The following MORC1 variants were observed in gnomAD, a reference collection of about 807,000 sequenced individuals.
MORC1 encodes MORC family CW-type zinc finger protein 1.
In MORC1, 59 loss-of-function variants were observed where a neutral mutation model predicts 134.9. The observed-to-expected ratio is 0.44, with a 90% confidence interval of 0.35 to 0.54. The LOEUF is 0.54. MORC1 is among the 20% of genes least tolerant of loss of function. The probability of loss-of-function intolerance (pLI) is 0.00; values close to 1 mark genes in which losing one functional copy is unlikely to be tolerated. For missense variants in MORC1, 947 were observed against 1,134.5 expected (o/e 0.83, Z 2.37); for synonymous variants, 395 against 391.7 (o/e 1.01, Z -0.10).
intron 4 of MORC1, among the ~76,000 whole-genome samples, chr3:109,103,307 T>G (rs969049266): frequency 6.6e-6 from 1 of 152,232 alleles, no homozygotes; most frequent in African/African-American, 2.4e-5. Flanking sequence ...TGTGCTAACC[T>G]TGAATACACA....
chr3:108,964,688 G>A (rs1267833230), intron 26 of MORC1, among the ~76,000 whole-genome samples: 2 of 152,182 alleles, frequency 1.3e-5, no homozygotes, highest in Admixed American at 6.5e-5. Flanking sequence ...AGATGACGTG[G>A]AGATATATAG....
At chr3:109,086,218 A>C (rs1440901255) in intron 8 of MORC1, among the ~76,000 whole-genome samples, 1 of 152,090 alleles carries the variant, frequency 6.6e-6, no homozygotes, top group East Asian at 1.9e-4. Context: ...GTACAATTCA[A>C]AATAGCTAGA....
chr3:109,077,948 G>A (rs538656252), intron 8 of MORC1, among the ~76,000 whole-genome samples: 1 of 152,170 alleles, frequency 6.6e-6, no homozygotes, highest in African/African-American at 2.4e-5. Context: ...GAAAAAGCAA[G>A]TCTAGAGAGA....
chr3:109,100,569 A>G, intron 4 of MORC1, 62 bp from the exon 5 acceptor site: 2 of 1,244,948 alleles, frequency 1.6e-6, no homozygotes, highest in Non-Finnish European at 2.4e-6. Context: ...CCTGAGGCCC[A>G]GCTGTCAGGA....
chr3:108,979,863 TA>T (rs1297680742), intron 23 of MORC1, among the ~76,000 whole-genome samples, 196 bp from the exon 24 acceptor site: 3 of 152,250 alleles, frequency 2.0e-5, no homozygotes, highest in Non-Finnish European at 4.4e-5. Flanking sequence ...TCCAGTCACA[TA>T]TTTTTTTCAA....
chr3:109,111,941 C>G (rs980557422), intron 2 of MORC1, among the ~76,000 whole-genome samples: 1 of 152,112 alleles, frequency 6.6e-6, no homozygotes, highest in African/African-American at 2.4e-5. Flanking sequence ...TTGAGCACCT[C>G]CCATGTATCA....
intron 14 of MORC1, among the ~76,000 whole-genome samples, chr3:109,051,372 G>GT (rs771488617): frequency 2.0e-5 from 3 of 152,190 alleles, no homozygotes; most frequent in Non-Finnish European, 4.4e-5. Context: ...TGTGTGCCCT[G>GT]TAATACTGGT....
chr3:108,964,438 G>A (rs1031309018), intron 26 of MORC1, among the ~76,000 whole-genome samples: 3 of 152,176 alleles, frequency 2.0e-5, no homozygotes, highest in African/African-American at 7.2e-5. Context: ...AAAGTTGTAA[G>A]GTAGCCTCAT....
rs1441662608 is a variant in MORC1 at position 109,031,987 on chromosome 3, C to T, written c.1565+733G>A. Among the ~76,000 whole-genome samples, 4 of 152,284 alleles carry T rather than the reference C, an allele frequency of 2.6e-5. No individual in the cohort carries two copies. The South Asian group carries it at 8.3e-4, about 32-fold the overall frequency. ...GGACTCTAGATGAAAGGGGTTTTAG[C>T]AGCAGTTTCCAAATGTTTTCTTTTT... On this transcript the variant is annotated intron_variant, in intron 16 of 27. Transcript: ENST00000232603.
intron 25 of MORC1, among the ~76,000 whole-genome samples, chr3:108,970,114 G>C (rs1464768659): frequency 6.6e-6 from 1 of 151,978 alleles, no homozygotes; most frequent in Non-Finnish European, 1.5e-5. Flanking sequence ...GTGGGGGGTA[G>C]TATTAATATT....
At chr3:108,977,009 T>C (rs1227930869) in intron 24 of MORC1, among the ~76,000 whole-genome samples, 1 of 152,194 alleles carries the variant, frequency 6.6e-6, no homozygotes, top group Admixed American at 6.5e-5. Flanking sequence ...AAAAAGAAAG[T>C]TGATCTATCT....
intron 17 of MORC1, among the ~76,000 whole-genome samples, chr3:109,025,223 T>C (rs1181128655): frequency 1.3e-5 from 2 of 152,092 alleles, no homozygotes; most frequent in African/African-American, 4.8e-5. Flanking sequence ...ACTGGTTCCA[T>C]GAAAGAACAA....
intron 15 of MORC1, 87 bp downstream of exon 15, chr3:109,035,253 C>G: frequency 6.4e-6 from 8 of 1,243,676 alleles, no homozygotes; most frequent in Non-Finnish European, 9.0e-6. Flanking sequence ...TTACCTTTGT[C>G]TCCCTCATCC....
intron 14 of MORC1, among the ~76,000 whole-genome samples, chr3:109,039,613 G>A (rs72935360): frequency 0.012 from 1,752 of 152,190 alleles, 35 homozygotes; most frequent in African/African-American, 0.038. Context: ...GTTAATTTCC[G>A]TCATTTCAGC....
At chr3:109,004,722 T>C in intron 20 of MORC1, 95 bp downstream of exon 20, 1 of 1,210,624 alleles carries the variant, frequency 8.3e-7, no homozygotes, top group Non-Finnish European at 1.2e-6. Context: ...TTAAGCATTT[T>C]TCCTATAAAG....
rs767744282 is a variant in MORC1 at position 108,984,800 on chromosome 3, C to G, written c.2258-18G>C. On this transcript the variant is annotated intron_variant, in intron 22 of 27. Coordinates refer to ENST00000232603, the MANE Select transcript of MORC1 (RefSeq NM_014429.4). Reference sequence around the variant, plus strand: ...CTGTTTTTCTTCAAAAGAACATAGACAAACAATCGCATTTGGATGATCACA... The same window carrying G: ...CTGTTTTTCTTCAAAAGAACATAGAGAAACAATCGCATTTGGATGATCACA... The G allele has an allele frequency of 1.9e-6, 3 of 1,590,028 alleles. No individual in the cohort carries two copies. Among genetic ancestry groups the G allele is most frequent in the Non-Finnish European group, 2.6e-6 (3 of 1,168,634 alleles).
intron 3 of MORC1, among the ~76,000 whole-genome samples, chr3:109,109,034 G>C (rs1264290552): frequency 1.3e-5 from 2 of 152,096 alleles, no homozygotes. Flanking sequence ...CTGACACTTA[G>C]TGCGAGTCAA....
chr3:109,118,077 G>A lies in MORC1; in HGVS notation c.-18C>T, dbSNP rs1951310885. The A allele has an allele frequency of 5.0e-6, 8 of 1,602,148 alleles. No individual in the cohort carries two copies. Among genetic ancestry groups the A allele is most frequent in the South Asian group, 3.4e-5 (3 of 88,844 alleles). On this transcript the variant is annotated 5_prime_UTR_variant, in exon 1 of 28. Transcript: ENST00000232603. ...TCGTCCATGCCCTCGAACACGACCC[G>A]CGCAACTCAAGGGGACAAGGACACC... is the stretch of plus-strand genomic sequence containing the variant.
chr3:109,051,810 T>A (rs1949837672), intron 14 of MORC1, among the ~76,000 whole-genome samples: 2 of 152,052 alleles, frequency 1.3e-5, no homozygotes, highest in South Asian at 4.2e-4. Flanking sequence ...GGGAATTAGG[T>A]AAGGAGTGGG....
Sources: gnomAD v4.1 joint callset for allele counts (sites outside exome capture counted in the v4.1 genomes callset) on GRCh38, gnomAD v4.1.1 for gene constraint, MANE v1.5 for transcripts, NCBI Gene and HGNC (gene_info 2026-07-23, HGNC 2026-07-21) for gene names.